The following MCC variants were observed in gnomAD, a reference collection of about 807,000 sequenced individuals.
MCC encodes MCC regulator of Wnt signaling pathway.
A neutral mutation model predicts 116.2 loss-of-function variants in MCC; 90 were observed. That is an observed-to-expected ratio of 0.77 (90% confidence interval 0.65 to 0.92). MCC has a LOEUF of 0.92. Among genes scored for constraint, MCC ranks in the 40% least tolerant of loss-of-function variants. The probability of loss-of-function intolerance (pLI) is 0.00; values close to 1 mark genes in which losing one functional copy is unlikely to be tolerated. For synonymous variants in MCC, 578 were observed against 510.5 expected, an observed-to-expected ratio of 1.13 and a Z score of -1.78; for missense variants, 1,516 against 1,312.2, an observed-to-expected ratio of 1.16 and a Z score of -2.40.
chr5:113,367,190 T>C (rs1435178741), intron 2 of MCC, among the ~76,000 whole-genome samples: 1 of 150,992 alleles, frequency 6.6e-6, no homozygotes, highest in East Asian at 1.9e-4. Context: ...ATTCATTATG[T>C]AAATAATGAA....
At chr5:113,102,096 A>C in intron 7 of MCC, 151 bp from the exon 8 acceptor site, 1 of 727,558 alleles carries the variant, frequency 1.4e-6, no homozygotes, top group East Asian at 2.7e-5. Flanking sequence ...CAGACACCCC[A>C]AAGTTATCCT....
chr5:113,114,486 C>A (rs1757281377), intron 6 of MCC, among the ~76,000 whole-genome samples: 1 of 152,162 alleles, frequency 6.6e-6, no homozygotes, highest in Admixed American at 6.5e-5. Flanking sequence ...CGAAGCCCCA[C>A]CCTGAAGCCT....
At chr5:113,068,774 C>T (rs1423703863) in intron 12 of MCC, among the ~76,000 whole-genome samples, 2 of 152,232 alleles carry the variant, frequency 1.3e-5, no homozygotes, top group Non-Finnish European at 2.9e-5. Context: ...AGCCAACAGC[C>T]AGGTGAGTGA....
chr5:113,468,697 A>C (rs1431637814), intron 1 of MCC, among the ~76,000 whole-genome samples: 1 of 152,230 alleles, frequency 6.6e-6, no homozygotes, highest in Non-Finnish European at 1.5e-5. Flanking sequence ...CTGGCCTCAT[A>C]AAATGAGTTA....
At chr5:113,356,144 C>G (rs1331943134) in intron 2 of MCC, among the ~76,000 whole-genome samples, 2 of 150,026 alleles carry the variant, frequency 1.3e-5, no homozygotes, top group Admixed American at 1.3e-4. Context: ...CTCACTGTAG[C>G]ATCCAACTCC....
At chr5:113,246,036 G>A (rs1171912176) in intron 3 of MCC, among the ~76,000 whole-genome samples, 1 of 152,154 alleles carries the variant, frequency 6.6e-6, no homozygotes, top group Non-Finnish European at 1.5e-5. Flanking sequence ...ATTTCCCGAG[G>A]GGAAGATGGG....
intron 15 of MCC, among the ~76,000 whole-genome samples, chr5:113,050,533 C>T (rs1051527146): frequency 5.9e-5 from 9 of 152,222 alleles, no homozygotes; most frequent in African/African-American, 2.2e-4. Flanking sequence ...AGTCAATATG[C>T]TCAGTAAACT....
intron 1 of MCC, among the ~76,000 whole-genome samples, chr5:113,469,372 G>T (rs1384905019): frequency 2.0e-5 from 3 of 151,944 alleles, no homozygotes; most frequent in Non-Finnish European, 2.9e-5. Context: ...CAGAGATTCT[G>T]GTATGTTGTG....
intron 1 of MCC, among the ~76,000 whole-genome samples, chr5:113,457,749 A>G (rs1216786029): frequency 7.2e-6 from 1 of 138,060 alleles, no homozygotes; most frequent in African/African-American, 3.1e-5. Flanking sequence ...GAGTGCACCA[A>G]TGGACACTGT....
intron 3 of MCC, among the ~76,000 whole-genome samples, chr5:113,321,221 C>A (rs764774212): frequency 5.3e-5 from 8 of 152,036 alleles, no homozygotes; most frequent in Non-Finnish European, 1.2e-4. Flanking sequence ...GAAATAAAAC[C>A]AAAATATATC....
chr5:113,114,581 G>GC (rs910315117), intron 6 of MCC, among the ~76,000 whole-genome samples: 7 of 151,834 alleles, frequency 4.6e-5, no homozygotes, highest in Non-Finnish European at 8.8e-5. Context: ...GGCCTACCCC[G>GC]CCCCCCATCC....
intron 1 of MCC, among the ~76,000 whole-genome samples, chr5:113,389,809 C>T (rs1177468969): frequency 6.6e-6 from 1 of 152,092 alleles, no homozygotes; most frequent in Admixed American, 6.6e-5. Flanking sequence ...TGAAAATGAT[C>T]TTTCTTTTAA....
intron 1 of MCC, among the ~76,000 whole-genome samples, chr5:113,463,708 A>G (rs1219704485): frequency 1.3e-5 from 2 of 152,206 alleles, no homozygotes; most frequent in Non-Finnish European, 2.9e-5. Flanking sequence ...TCAATTAGTT[A>G]TGCAAGTCTG....
At chr5:113,204,360 A>G (rs1209634233) in intron 3 of MCC, among the ~76,000 whole-genome samples, 1 of 152,194 alleles carries the variant, frequency 6.6e-6, no homozygotes, top group Non-Finnish European at 1.5e-5. Flanking sequence ...ACAGATTTTT[A>G]GTTCTAAAAC....
intron 1 of MCC, among the ~76,000 whole-genome samples, chr5:113,454,042 G>A (rs188216635): frequency 1.6e-3 from 239 of 152,186 alleles, no homozygotes; most frequent in Admixed American, 2.7e-3. Context: ...CCCAGGAGGC[G>A]GAGTTTGCGG....
intron 2 of MCC, among the ~76,000 whole-genome samples, chr5:113,359,992 G>A (rs2150384882): frequency 6.6e-6 from 1 of 152,226 alleles, no homozygotes; most frequent in Middle Eastern, 3.4e-3. Context: ...TATTCAGTAA[G>A]CCCTTGCTAG....
intron 8 of MCC, among the ~76,000 whole-genome samples, chr5:113,088,124 T>C (rs991795832): frequency 6.6e-6 from 1 of 152,186 alleles, no homozygotes; most frequent in African/African-American, 2.4e-5. Context: ...CATGTTTATT[T>C]TGGGCTATGC....
rs201071707 is a variant in MCC, at chr5:113,053,963, A to C, written c.2214-4T>G. On this transcript the variant is annotated splice_region_variant and splice_polypyrimidine_tract_variant and intron_variant, in intron 14 of 18. Transcript: ENST00000408903. ...ACTGGCTGTGGAGCTGGTTGTGCTG[A>C]GAAAGAAGAAAAACAAAGACCCACC... is the stretch of plus-strand genomic sequence containing the variant. The C allele has an allele frequency of 8.7e-6, 14 of 1,605,528 alleles. No homozygotes were observed. In the East Asian group the frequency reaches 3.1e-4, roughly 36 times the overall value.
chr5:113,231,007 G>C (rs1763920654), intron 3 of MCC, among the ~76,000 whole-genome samples: 4 of 152,050 alleles, frequency 2.6e-5, no homozygotes, highest in Admixed American at 2.6e-4. Context: ...TTGGATTGTA[G>C]AACTGATATA....
Sources: gnomAD v4.1 joint callset for allele counts (sites outside exome capture counted in the v4.1 genomes callset) on GRCh38, gnomAD v4.1.1 for gene constraint, MANE v1.5 for transcripts, NCBI Gene and HGNC (gene_info 2026-07-23, HGNC 2026-07-21) for gene names.